The following RAP1GAP2 variants were observed in gnomAD, a reference collection of about 807,000 sequenced individuals.
RAP1GAP2 encodes the protein RAP1 GTPase activating protein 2.
RAP1GAP2 carries 27 observed loss-of-function variants against 95.0 expected under a neutral mutation model. The observed-to-expected ratio is 0.28, with a 90% CI of 0.21 to 0.39. The LOEUF is 0.39. RAP1GAP2 is among the 10% of genes least tolerant of loss of function. RAP1GAP2 has a pLI of 1.00. For synonymous variants in RAP1GAP2, 373 were observed against 380.9 expected (o/e 0.98, Z 0.24); for missense variants, 771 against 970.0 (o/e 0.79, Z 2.72).
intron 3 of RAP1GAP2, among the ~76,000 whole-genome samples, chr17:2,951,501 T>C (rs1223012484): frequency 6.6e-6 from 1 of 152,116 alleles, no homozygotes; most frequent in African/African-American, 2.4e-5. Flanking sequence ...GGAGGATCGC[T>C]TGAGCTCAGG....
intron 10 of RAP1GAP2, among the ~76,000 whole-genome samples, chr17:2,983,160 G>A (rs1597794420): frequency 6.6e-6 from 1 of 152,216 alleles, no homozygotes; most frequent in Non-Finnish European, 1.5e-5. Flanking sequence ...CGCAGATTCC[G>A]GCCAATAAGT....
chr17:2,800,471 T>C lies in RAP1GAP2; in HGVS notation c.45-44T>C, dbSNP rs539709738. On this transcript the variant is annotated intron_variant, in intron 1 of 24. Transcript: ENST00000254695. ...TCCATACAGATGCTATGTAGGAGTC[T>C]TCAGCCTCAGCACTGACCGGAGCCC... 5 of 1,600,496 alleles carry C rather than the reference T, an allele frequency of 3.1e-6. No homozygotes were observed. The South Asian group carries it at 5.7e-5, about 18-fold the overall frequency.
At chr17:3,014,853 G>GGCCGAGAT (rs1467930229) in intron 17 of RAP1GAP2, among the ~76,000 whole-genome samples, 1 of 152,162 alleles carries the variant, frequency 6.6e-6, no homozygotes, top group Non-Finnish European at 1.5e-5. Context: ...CATCGCCCCT[G>GGCCGAGAT]GCCGAGATGC....
chr17:2,802,699 G>A (rs910052743), intron 2 of RAP1GAP2, among the ~76,000 whole-genome samples: 3 of 151,916 alleles, frequency 2.0e-5, no homozygotes, highest in South Asian at 2.1e-4. Context: ...GTGAAATGCC[G>A]TCTCAAAAAA....
intron 3 of RAP1GAP2, among the ~76,000 whole-genome samples, chr17:2,915,585 G>C (rs903056366): frequency 6.6e-6 from 1 of 152,202 alleles, no homozygotes; most frequent in African/African-American, 2.4e-5. Flanking sequence ...TAATTTTGAA[G>C]AAGTCTAATT....
upstream of RAP1GAP2, among the ~76,000 whole-genome samples, chr17:2,792,843 G>C (rs1378875001): frequency 6.6e-6 from 1 of 152,232 alleles, no homozygotes; most frequent in Non-Finnish European, 1.5e-5. Context: ...AGATGTCTGT[G>C]CCTGGGCCGG....
At chr17:2,838,723 G>A (rs1313974183) in intron 2 of RAP1GAP2, among the ~76,000 whole-genome samples, 4 of 152,110 alleles carry the variant, frequency 2.6e-5, no homozygotes, top group African/African-American at 7.2e-5. Flanking sequence ...GTAAGAGGAC[G>A]GGACACAGCA....
Position 2,891,822 on chromosome 17 carries a change from T to TTTTTTTC in RAP1GAP2, c.81-13456_81-13455insCTTTTTT, listed in dbSNP as rs1555562779. The stretch of plus-strand genomic sequence containing the variant: ...AGATTCATATTTCTTTTCTTTTTTT[T>TTTTTTTC]TTTTTTTTTTTTTTTTTTGAGACAG... On this transcript the variant is annotated intron_variant, in intron 2 of 24. Transcript: ENST00000254695. Among the ~76,000 whole-genome samples, 79 of 111,602 alleles carry TTTTTTTC rather than the reference T, an allele frequency of 7.1e-4. 1 individual carries two copies. The highest frequency in any genetic ancestry group is 9.6e-4 in the Non-Finnish European group (50 of 52,122). 73.2% of individuals were successfully genotyped at this position (111,602 alleles called of 152,430 possible).
At chr17:2,776,822 C>T (rs1567639759), upstream of RAP1GAP2, among the ~76,000 whole-genome samples, 1 of 122,502 alleles carries the variant, frequency 8.2e-6, no homozygotes, top group African/African-American at 3.0e-5. Flanking sequence ...CCCCGCCGCC[C>T]CGGAGGAGGA....
intron 12 of RAP1GAP2, among the ~76,000 whole-genome samples, chr17:2,993,571 TAAAA>T (rs60312244): frequency 0.1 from 14,934 of 142,358 alleles, 1,166 homozygotes; most frequent in East Asian, 0.24. Context: ...AGACTCTGTC[TAAAA>T]AAAAAAAAAT....
At chr17:2,839,913 C>A (rs963457118) in intron 2 of RAP1GAP2, among the ~76,000 whole-genome samples, 1 of 152,116 alleles carries the variant, frequency 6.6e-6, no homozygotes, top group Non-Finnish European at 1.5e-5. Flanking sequence ...ATTCTCCTGC[C>A]TCAGCCTCCG....
At chr17:2,984,093 G>C (rs559264239) in intron 10 of RAP1GAP2, among the ~76,000 whole-genome samples, 2 of 152,248 alleles carry the variant, frequency 1.3e-5, no homozygotes, top group Non-Finnish European at 2.9e-5. Flanking sequence ...GCTCATGCCT[G>C]TAACCTCAGC....
chr17:2,827,510 T>C lies in RAP1GAP2; in HGVS notation c.80+26960T>C, dbSNP rs1026953473. On this transcript the variant is annotated intron_variant, in intron 2 of 24. Coordinates refer to ENST00000254695, the MANE Select transcript of RAP1GAP2 (RefSeq NM_015085.5). This position sits in a 1 kb window ranked among gnomAD's most constrained non-coding sequence, Gnocchi z 4.1. ...TGGGTGGTCAGGAAGAGCCTCTCCA[T>C]AGAAGGGACATTTGAGGCCTGGCGC... 1.3e-5 allele frequency among the ~76,000 whole-genome samples: 2 copies of C among 152,200 alleles called. No homozygotes were observed. Among genetic ancestry groups the C allele is most frequent in the East Asian group, 3.9e-4 (2 of 5,158 alleles).
chr17:2,841,988 C>T (rs1597415284), intron 2 of RAP1GAP2, among the ~76,000 whole-genome samples: 3 of 152,282 alleles, frequency 2.0e-5, no homozygotes, highest in African/African-American at 7.2e-5. Context: ...GGCCCTGTGG[C>T]GTGCAAGCCT....
upstream of RAP1GAP2, chr17:2,796,435 G>C (rs532132141): frequency 1.4e-6 from 2 of 1,427,202 alleles, no homozygotes; most frequent in Non-Finnish European, 1.9e-6. This position sits in a 1 kb window ranked among gnomAD's most constrained non-coding sequence, Gnocchi z 4.7. Context: ...GCCCTGCACC[G>C]GCACTGACCC....
intron 2 of RAP1GAP2, among the ~76,000 whole-genome samples, chr17:2,883,785 T>C (rs1236423729): frequency 7.0e-6 from 1 of 143,306 alleles, no homozygotes; most frequent in East Asian, 2.0e-4. Flanking sequence ...GGCTGCCTCA[T>C]GGCCTGGGGC....
intron 2 of RAP1GAP2, among the ~76,000 whole-genome samples, chr17:2,885,904 G>C (rs1171995366): frequency 6.6e-6 from 1 of 152,176 alleles, no homozygotes; most frequent in African/African-American, 2.4e-5. Flanking sequence ...TTGTCACTTA[G>C]GTGACCAGGG....
intron 3 of RAP1GAP2, among the ~76,000 whole-genome samples, chr17:2,952,939 G>A (rs570820218): frequency 3.6e-4 from 55 of 151,904 alleles, no homozygotes; most frequent in African/African-American, 1.3e-3. Context: ...CGAGTAGCTG[G>A]GATTACAGGT....
chr17:2,842,296 G>A (rs1236567466), intron 2 of RAP1GAP2, among the ~76,000 whole-genome samples: 2 of 152,002 alleles, frequency 1.3e-5, no homozygotes, highest in Non-Finnish European at 2.9e-5. Flanking sequence ...TTGGGAGGGC[G>A]AGGCAGGCAG....
Sources: gnomAD v4.1 joint callset for allele counts (sites outside exome capture counted in the v4.1 genomes callset) on GRCh38, gnomAD v4.1.1 for gene constraint, Gnocchi (gnomAD v3.1) non-coding constraint, MANE v1.5 for transcripts, NCBI Gene and HGNC (gene_info 2026-07-23, HGNC 2026-07-21) for gene names.